Variants in PRKAA2 observed in about 807,000 individuals in gnomAD.
The protein encoded by PRKAA2 is 5'-AMP-activated protein kinase catalytic subunit alpha-2.
Under a neutral mutation model 56.3 loss-of-function variants are expected in PRKAA2, and 40 were observed. The observed-to-expected ratio is 0.71, with a 90% CI of 0.55 to 0.92. The LOEUF is 0.92. Ranked by LOEUF, PRKAA2 falls within the 40% of genes least tolerant of loss-of-function variation. The probability of loss-of-function intolerance (pLI) is 0.00; values close to 1 mark genes in which losing one functional copy is unlikely to be tolerated. For synonymous variants in PRKAA2, 214 were observed against 234.2 expected, an observed-to-expected ratio of 0.91 and a Z score of 0.79; for missense variants, 542 against 686.9, an observed-to-expected ratio of 0.79 and a Z score of 2.36.
In PRKAA2 at chr1:56,707,719, C is replaced by A. The variant is rs756936179; in HGVS notation, c.*6C>A. ...TTACTACTTTAGCCCGTTGATCTGT[C>A]TCTAGTTTCTTTCTGTTATTGCACT... On this transcript the variant is annotated 3_prime_UTR_variant, in exon 9 of 9. Transcript: ENST00000371244. 3.2e-6 allele frequency: 5 copies of A among 1,566,348 alleles called. No homozygotes were observed. The highest frequency in any genetic ancestry group is 4.4e-6 in the Non-Finnish European group (5 of 1,136,876).
chr1:56,686,995 G>T (rs143160865), intron 2 of PRKAA2, among the ~76,000 whole-genome samples: 1 of 150,566 alleles, frequency 6.6e-6, no homozygotes, highest in African/African-American at 2.4e-5. Context: ...AGCGATTCTC[G>T]TACCTCAGTC....
chr1:56,673,363 T>C (rs750959486), intron 1 of PRKAA2, among the ~76,000 whole-genome samples: 28 of 151,938 alleles, frequency 1.8e-4, no homozygotes, highest in Non-Finnish European at 3.7e-4. Context: ...AACAAAACAA[T>C]ACCCTGTCTC....
intron 1 of PRKAA2, among the ~76,000 whole-genome samples, chr1:56,667,578 G>A (rs535348087): frequency 6.6e-6 from 1 of 152,196 alleles, no homozygotes; most frequent in Non-Finnish European, 1.5e-5. Context: ...GAAAAGGATA[G>A]ATCTGGATTT....
intron 2 of PRKAA2, among the ~76,000 whole-genome samples, chr1:56,678,312 C>T (rs934207301): frequency 1.6e-4 from 24 of 152,294 alleles, no homozygotes; most frequent in Admixed American, 6.5e-4. Context: ...GTGATTTAAA[C>T]AGAGAGAGCA....
At chr1:56,666,850 T>G (rs1644039891) in intron 1 of PRKAA2, among the ~76,000 whole-genome samples, 2 of 152,184 alleles carry the variant, frequency 1.3e-5, no homozygotes, top group Non-Finnish European at 2.9e-5. Flanking sequence ...ACTCCAATTT[T>G]CCAATTAGGT....
chr1:56,715,089 TTTTG>T lies in PRKAA2; in HGVS notation c.*7383_*7386del, dbSNP rs1644396979. 1 of 152,126 alleles carries T rather than the reference TTTTG, an allele frequency of 6.6e-6. No individual in the cohort carries two copies. 9.4% of individuals were successfully genotyped at this position (152,126 alleles called of 1,614,324 possible). On this transcript the variant is annotated 3_prime_UTR_variant, in exon 9 of 9. Transcript: ENST00000371244. ...AAATAAACTCCGATTCAAATTTCAG[TTTTG>T]TTTGTTATATACTTTTTGTGAGTGT...
rs1644360439 is a variant in PRKAA2, at chr1:56,710,186, G to A, written c.*2473G>A. The A allele has an allele frequency of 2.0e-5, 3 of 152,172 alleles. No homozygotes were observed. The highest frequency in any genetic ancestry group is 2.1e-4 in the South Asian group (1 of 4,816). 9.4% of individuals were successfully genotyped at this position (152,172 alleles called of 1,614,324 possible). A position where few individuals can be genotyped will look rare whatever the true frequency, so the allele number is the denominator to read the frequency against. ...GAATAATTTCCTCCAGTGAAGACACGGGAGAAGAGCTTCTATTATGAGGTT... is the reference window on the plus strand; with the variant it reads ...GAATAATTTCCTCCAGTGAAGACACAGGAGAAGAGCTTCTATTATGAGGTT... On this transcript the variant is annotated 3_prime_UTR_variant, in exon 9 of 9. Coordinates refer to ENST00000371244, the MANE Select transcript of PRKAA2 (RefSeq NM_006252.4).
At chr1:56,655,280 A>ACATATATATTTTTT (rs1643931914) in intron 1 of PRKAA2, among the ~76,000 whole-genome samples, 2 of 93,680 alleles carry the variant, frequency 2.1e-5, no homozygotes, top group Non-Finnish European at 3.9e-5. Flanking sequence ...ATATATATAT[A>ACATATATATTTTTT]TTTTTTTTTT....
intron 1 of PRKAA2, among the ~76,000 whole-genome samples, chr1:56,648,195 T>C (rs1646659392): frequency 6.6e-6 from 1 of 152,202 alleles, no homozygotes; most frequent in African/African-American, 2.4e-5. Flanking sequence ...CACAGTAAGA[T>C]TCTTTATACC....
intron 5 of PRKAA2, among the ~76,000 whole-genome samples, chr1:56,694,150 T>C (rs1403310708): frequency 6.6e-6 from 1 of 152,204 alleles, no homozygotes; most frequent in African/African-American, 2.4e-5. Flanking sequence ...ATTTGCTAAA[T>C]TTAAGCTAGT....
chr1:56,659,816 G>A (rs1643979827), intron 1 of PRKAA2, among the ~76,000 whole-genome samples: 1 of 152,116 alleles, frequency 6.6e-6, no homozygotes, highest in African/African-American at 2.4e-5. Flanking sequence ...ACTGAGGCGG[G>A]AGGATCGCTT....
At chr1:56,671,102 A>C (rs552129338) in intron 1 of PRKAA2, among the ~76,000 whole-genome samples, 1 of 152,340 alleles carries the variant, frequency 6.6e-6, no homozygotes, top group Non-Finnish European at 1.5e-5. Context: ...CGATTTACAC[A>C]AACAAAAGTT....
intron 1 of PRKAA2, among the ~76,000 whole-genome samples, chr1:56,649,314 C>T (rs1339356834): frequency 6.6e-6 from 1 of 152,168 alleles, no homozygotes; most frequent in Non-Finnish European, 1.5e-5. Flanking sequence ...AATGCAGGTG[C>T]ATTTTTAATT....
At position 56,645,440 on chromosome 1, in the gene PRKAA2, T is replaced by C; in HGVS notation, c.53T>C (p.Leu18Pro). 6.6e-7 allele frequency: 1 copy of C among 1,516,826 alleles called. No individual in the cohort carries two copies. The highest frequency in any genetic ancestry group is 1.2e-5 in the South Asian group (1 of 83,580). 94.0% of individuals were successfully genotyped at this position (1,516,826 alleles called of 1,614,324 possible). Residue 18 changes from leucine to proline, a missense_variant, in exon 1 of 9, where the codon CTG (leucine) becomes CCG (proline). Leu to Pro is a moderately conservative substitution (Grantham distance 98). Around this residue, in one of 5 missense-constraint regions of PRKAA2, gnomAD observed 59 missense variants for 53.9 expected, o/e 1.09. Transcript: ENST00000371244. ...DGRVKIGHYVLGDTLGVGTFG... is the reference protein window; with the variant it reads ...DGRVKIGHYVPGDTLGVGTFG... ...CGGGTGAAGATCGGACACTACGTGCTGGGCGACACGCTGGGCGTCGGCACC... is the reference window on the plus strand; with the variant it reads ...CGGGTGAAGATCGGACACTACGTGCCGGGCGACACGCTGGGCGTCGGCACC...
chr1:56,690,136 A>G (rs751900336), intron 2 of PRKAA2, among the ~76,000 whole-genome samples: 300 of 151,858 alleles, frequency 2.0e-3, no homozygotes, highest in Middle Eastern at 3.4e-3. Context: ...TTTAAACTCT[A>G]AATAACATAA....
At chr1:56,666,146 C>T (rs577641832) in intron 1 of PRKAA2, among the ~76,000 whole-genome samples, 7 of 152,308 alleles carry the variant, frequency 4.6e-5, no homozygotes, top group South Asian at 2.1e-4. Context: ...CATATATTCA[C>T]GCACCCCAAG....
chr1:56,683,269 A>C (rs1346733204), intron 2 of PRKAA2, among the ~76,000 whole-genome samples: 1 of 152,018 alleles, frequency 6.6e-6, no homozygotes, highest in African/African-American at 2.4e-5. Context: ...GTAAATGGAG[A>C]TATCATCTAT....
Position 56,707,591 on chromosome 1 carries a change from TCTGGCTCTCTCA to T in PRKAA2, c.1546_1557del (p.Leu520_Ser523del). On this transcript the variant is annotated inframe_deletion, in exon 9 of 9. Coordinates refer to ENST00000371244, the MANE Select transcript of PRKAA2 (RefSeq NM_006252.4). ...CACAACTGCAGAGAGCCATTCACTT[TCTGGCTCTCTCA>T]CTGGCTCTTTGACCGGAAGCACATT... is the stretch of plus-strand genomic sequence containing the variant. 6.2e-7 allele frequency: 1 copy of T among 1,613,928 alleles called. No homozygotes were observed. Among genetic ancestry groups the T allele is most frequent in the Non-Finnish European group, 8.5e-7 (1 of 1,179,816 alleles).
Position 56,709,115 on chromosome 1 carries a change from C to T in PRKAA2, c.*1402C>T, listed in dbSNP as rs1644352796. Reference sequence around the variant, plus strand: ...TTTGTTATTTTTATGTTGTAATTAACACTTATTTACCTGGATTACCCTAAA... The same window carrying T: ...TTTGTTATTTTTATGTTGTAATTAATACTTATTTACCTGGATTACCCTAAA... On this transcript the variant is annotated 3_prime_UTR_variant, in exon 9 of 9. Coordinates refer to ENST00000371244, the MANE Select transcript of PRKAA2 (RefSeq NM_006252.4). 1 of 151,936 alleles carries T rather than the reference C, an allele frequency of 6.6e-6. No individual in the cohort carries two copies. The highest frequency in any genetic ancestry group is 1.5e-5 in the Non-Finnish European group (1 of 67,980). The allele number at this position is 151,936 out of a possible 1,614,324, so 9.4% of individuals were successfully genotyped here. A position where few individuals can be genotyped will look rare whatever the true frequency, so the allele number is the denominator to read the frequency against.
Sources: allele counts gnomAD v4.1 joint callset (sites outside exome capture counted in the v4.1 genomes callset), GRCh38; gene constraint gnomAD v4.1.1; regional missense constraint gnomAD v4.1.1; transcripts MANE v1.5; gene names NCBI Gene and HGNC (gene_info 2026-07-23, HGNC 2026-07-21).